Variants in BCAS3 observed in about 807,000 individuals in gnomAD.
BCAS3 encodes BCAS3 microtubule associated cell migration factor.
In BCAS3, 53 loss-of-function variants were observed where a neutral mutation model predicts 116.1. The ratio of observed to expected loss-of-function variants is 0.46; its 90% CI spans 0.37 to 0.57. BCAS3 has a LOEUF of 0.57. Ranked by LOEUF, BCAS3 falls within the 20% of genes least tolerant of loss-of-function variation. The pLI, the probability that BCAS3 is intolerant of heterozygous loss-of-function variation, is 0.00. For synonymous variants in BCAS3, 391 were observed against 408.2 expected (o/e 0.96, Z 0.51); for missense variants, 917 against 1,165.4 (o/e 0.79, Z 3.10).
chr17:61,314,300 G>T (rs1407460568), intron 22 of BCAS3, among the ~76,000 whole-genome samples: 1 of 152,130 alleles, frequency 6.6e-6, no homozygotes, highest in African/African-American at 2.4e-5. Flanking sequence ...AAAAGCCCTC[G>T]GTCCTTCTCC....
At position 61,377,413 on chromosome 17, in the gene BCAS3, A is replaced by AT. The variant is rs895376903; in HGVS notation, c.2593+8923dup. Among the ~76,000 whole-genome samples the AT allele has an allele frequency of 6.6e-6, 1 of 152,034 alleles. No homozygotes were observed. Among genetic ancestry groups the AT allele is most frequent in the Non-Finnish European group, 1.5e-5 (1 of 67,996 alleles). On this transcript the variant is annotated intron_variant, in intron 23 of 23. Transcript: ENST00000407086. This position sits in a 1 kb window ranked among gnomAD's most constrained non-coding sequence, Gnocchi z 4.6. ...AGTGTCGGATTGCCTATTCCTAGCTATTTTCCACTGGCAGGAGAGGCCAAA... is the reference window on the plus strand; with the variant it reads ...AGTGTCGGATTGCCTATTCCTAGCTATTTTTCCACTGGCAGGAGAGGCCAAA...
chr17:61,360,586 A>C (rs961770335), intron 22 of BCAS3, among the ~76,000 whole-genome samples: 2 of 152,014 alleles, frequency 1.3e-5, no homozygotes, highest in Admixed American at 1.3e-4. Flanking sequence ...AGGATAACTC[A>C]CATCTGTCTT....
rs1165637307 is a variant in BCAS3, at chr17:61,017,225, T to C, written c.1637+1324T>C. On this transcript the variant is annotated intron_variant, in intron 16 of 23. Coordinates refer to ENST00000407086, the MANE Select transcript of BCAS3 (RefSeq NM_017679.5). This position sits in a 1 kb window ranked among gnomAD's most constrained non-coding sequence, Gnocchi z 4.7. ...ATGGCTGTGAATAATGAAGAGGTTA[T>C]GTCCTTTATATTCACAATTAGGTTA... is the stretch of plus-strand genomic sequence containing the variant. 6.6e-6 allele frequency: 1 copy of C among 152,222 alleles called. No homozygotes were observed. The highest frequency in any genetic ancestry group is 1.5e-5 in the Non-Finnish European group (1 of 68,028). The allele number at this position is 152,222 out of a possible 1,614,324, so 9.4% of individuals were successfully genotyped here.
rs1429156594 is a variant in BCAS3 at position 60,799,735 on chromosome 17, T to TTTTTTTTTTA, written c.404-8269_404-8268insTTTTTTTTTA. Among the ~76,000 whole-genome samples, 93 of 100,558 alleles carry TTTTTTTTTTA rather than the reference T, an allele frequency of 9.2e-4. 5 individuals are homozygous for TTTTTTTTTTA. The highest frequency in any genetic ancestry group is 3.2e-3 in the African/African-American group (93 of 28,784). The allele number at this position is 100,558 out of a possible 152,430, so 66.0% of individuals were successfully genotyped here. On this transcript the variant is annotated intron_variant, in intron 6 of 23. Transcript: ENST00000407086. ...TTTTTTTTTTTTTTTTTTTTTTTTT[T>TTTTTTTTTTA]AGTAGAACTGGGGTTTCACCATGTT...
intron 15 of BCAS3, 57 bp from the exon 16 acceptor site, chr17:61,015,694 G>A (rs1042148505): frequency 6.4e-7 from 1 of 1,562,324 alleles, no homozygotes; most frequent in Non-Finnish European, 8.8e-7. Context: ...CGGAGATAGA[G>A]AACGGGAGAT....
intron 22 of BCAS3, among the ~76,000 whole-genome samples, chr17:61,194,304 A>G (rs55837470): frequency 2.8e-4 from 42 of 152,306 alleles, no homozygotes; most frequent in Non-Finnish European, 6.2e-4. Flanking sequence ...TTGTAATGTC[A>G]CAGACTTTGT....
In BCAS3 at chr17:61,300,428, G is replaced by A. The variant is rs796942677; in HGVS notation, c.2426-67899G>A. 3.9e-5 allele frequency among the ~76,000 whole-genome samples: 6 copies of A among 152,228 alleles called. No homozygotes were observed. Among genetic ancestry groups the A allele is most frequent in the African/African-American group, 1.4e-4 (6 of 41,528 alleles). On this transcript the variant is annotated intron_variant, in intron 22 of 23. Coordinates refer to ENST00000407086, the MANE Select transcript of BCAS3 (RefSeq NM_017679.5). The surrounding 1 kb of genome is among the most constrained non-coding windows in gnomAD (Gnocchi z 5.1). ...GAAGGCATTACTCAGGTGACATTTG[G>A]GGAAGGAAATGATCAGTAGGGCAAG... is the stretch of plus-strand genomic sequence containing the variant.
At position 61,136,618 on chromosome 17, in the gene BCAS3, A is replaced by G. The variant is rs201530296; in HGVS notation, c.2425+52054A>G. Among the ~76,000 whole-genome samples, 1 of 152,110 alleles carries G rather than the reference A, an allele frequency of 6.6e-6. No homozygotes were observed. Among genetic ancestry groups the G allele is most frequent in the Admixed American group, 6.5e-5 (1 of 15,268 alleles). On this transcript the variant is annotated intron_variant, in intron 22 of 23. Coordinates refer to ENST00000407086, the MANE Select transcript of BCAS3 (RefSeq NM_017679.5). This position sits in a 1 kb window ranked among gnomAD's most constrained non-coding sequence, Gnocchi z 4.4. ...GTTGTCGCCCAGGCTGGAGTGCAGTAGCGCGATCTCAGCTCACTGCAACCT... is the reference window on the plus strand; with the variant it reads ...GTTGTCGCCCAGGCTGGAGTGCAGTGGCGCGATCTCAGCTCACTGCAACCT...
rs776835182 is a variant in BCAS3 at position 61,037,873 on chromosome 17, G to A, written c.1763-16G>A. On this transcript the variant is annotated splice_polypyrimidine_tract_variant and intron_variant, in intron 17 of 23. Transcript: ENST00000407086. The surrounding 1 kb of genome is among the most constrained non-coding windows in gnomAD (Gnocchi z 4.7). ...ATGCCATCATAACACATCGGGTTCT[G>A]TTTCTCTGTTTGTAGATCAGTCCAA... The A allele has an allele frequency of 1.2e-6, 2 of 1,610,722 alleles. No individual in the cohort carries two copies. Among genetic ancestry groups the A allele is most frequent in the South Asian group, 2.2e-5 (2 of 90,630 alleles).
intron 7 of BCAS3, among the ~76,000 whole-genome samples, chr17:60,825,109 T>C (rs1452581616): frequency 6.6e-6 from 1 of 150,510 alleles, no homozygotes; most frequent in East Asian, 1.9e-4. Context: ...GAGGTTGCAG[T>C]GAGCTGAGAT....
rs574726705 is a variant in BCAS3 at position 60,819,798 on chromosome 17, C to G, written c.476+11722C>G. 4.7e-4 allele frequency among the ~76,000 whole-genome samples: 71 copies of G among 151,746 alleles called. 1 individual carries two copies. The highest frequency in any genetic ancestry group is 1.5e-3 in the African/African-American group (62 of 41,402). On this transcript the variant is annotated intron_variant, in intron 7 of 23. Coordinates refer to ENST00000407086, the MANE Select transcript of BCAS3 (RefSeq NM_017679.5). ...TCTCTTTCTGAGACAGGATCTTACT[C>G]TGTAACCCAGACTGAAGGCAATGGC...
At position 61,124,823 on chromosome 17, in the gene BCAS3, A is replaced by G. The variant is rs1007063548; in HGVS notation, c.2425+40259A>G. On this transcript the variant is annotated intron_variant, in intron 22 of 23. Transcript: ENST00000407086. This position sits in a 1 kb window ranked among gnomAD's most constrained non-coding sequence, Gnocchi z 4.6. ...ATGATTTTCTGTGTTAGAAGATGCT[A>G]TCGGCTCACCTGGCCTCTTAGTGAC... is the stretch of plus-strand genomic sequence containing the variant. Among the ~76,000 whole-genome samples, 5 of 152,300 alleles carry G rather than the reference A, an allele frequency of 3.3e-5. No homozygotes were observed. Among genetic ancestry groups the G allele is most frequent in the East Asian group, 1.9e-4 (1 of 5,178 alleles).
Position 61,095,199 on chromosome 17 carries a change from G to A in BCAS3, c.2425+10635G>A, listed in dbSNP as rs1016331994. ...GTTAGACCAACTTTTCTTCGTGTAC[G>A]TCAACCAAAACAGCATATCAGAACA... On this transcript the variant is annotated intron_variant, in intron 22 of 23. Coordinates refer to ENST00000407086, the MANE Select transcript of BCAS3 (RefSeq NM_017679.5). The surrounding 1 kb of genome is among the most constrained non-coding windows in gnomAD (Gnocchi z 4.7). 2.0e-5 allele frequency among the ~76,000 whole-genome samples: 3 copies of A among 152,118 alleles called. No individual in the cohort carries two copies. Among genetic ancestry groups the A allele is most frequent in the Non-Finnish European group, 2.9e-5 (2 of 68,024 alleles).
At chr17:61,345,578 C>T (rs968709921) in intron 22 of BCAS3, among the ~76,000 whole-genome samples, 4 of 152,142 alleles carry the variant, frequency 2.6e-5, no homozygotes, top group Non-Finnish European at 4.4e-5. Context: ...TTAAATTTGT[C>T]ATGGTGCCAT....
rs75130388 is a variant in BCAS3 at position 60,909,145 on chromosome 17, A to G, written c.823-1387A>G. On this transcript the variant is annotated intron_variant, in intron 11 of 23. Coordinates refer to ENST00000407086, the MANE Select transcript of BCAS3 (RefSeq NM_017679.5). ...AAGTGCCTTTACCAGTCCCTAGTCC[A>G]TAGAAAAGCCACCGTGGAAACATAG... Among the ~76,000 whole-genome samples, 82 of 152,334 alleles carry G rather than the reference A, an allele frequency of 5.4e-4. 1 individual carries two copies. The East Asian group carries it at 0.015, about 28-fold the overall frequency.
intron 23 of BCAS3, among the ~76,000 whole-genome samples, chr17:61,370,978 C>T (rs1038115404): frequency 9.2e-5 from 14 of 152,228 alleles, no homozygotes; most frequent in African/African-American, 3.4e-4. Flanking sequence ...CTCTACTTCT[C>T]TAGGTGGCTT....
Position 61,023,087 on chromosome 17 carries a change from G to T in BCAS3, c.1637+7186G>T, listed in dbSNP as rs6504014. On this transcript the variant is annotated intron_variant, in intron 16 of 23. Coordinates refer to ENST00000407086, the MANE Select transcript of BCAS3 (RefSeq NM_017679.5). This position sits in a 1 kb window ranked among gnomAD's most constrained non-coding sequence, Gnocchi z 4.8. ...GATAGGTCTCTTTGGTAGGGAGCAA[G>T]TAAAATTAATGAAAAATTCAAAGTA... 0.1 allele frequency among the ~76,000 whole-genome samples: 15,454 copies of T among 152,198 alleles called. 2,368 individuals are homozygous for T. The highest frequency in any genetic ancestry group is 0.34 in the African/African-American group (13,953 of 41,482).
At chr17:61,085,618 G>A (rs2073025344) in intron 22 of BCAS3, among the ~76,000 whole-genome samples, 1 of 152,124 alleles carries the variant, frequency 6.6e-6, no homozygotes, top group Admixed American at 6.5e-5. Flanking sequence ...CCCATCTAGG[G>A]CTATGCCTTC....
At chr17:61,086,701 C>T in intron 22 of BCAS3, 1 of 985,308 alleles carries the variant, frequency 1.0e-6, no homozygotes, top group Non-Finnish European at 1.2e-6. Flanking sequence ...TTTTCTAGGC[C>T]TGTTTTCATT....
Sources: gnomAD v4.1 joint callset for allele counts (sites outside exome capture counted in the v4.1 genomes callset) on GRCh38, gnomAD v4.1.1 for gene constraint, Gnocchi (gnomAD v3.1) non-coding constraint, MANE v1.5 for transcripts, NCBI Gene and HGNC (gene_info 2026-07-23, HGNC 2026-07-21) for gene names.